The following BPI variants were observed in gnomAD, a reference collection of about 807,000 sequenced individuals.
The protein encoded by BPI is bactericidal permeability-increasing protein.
BPI carries 48 observed loss-of-function variants against 57.6 expected under a neutral mutation model. The ratio of observed to expected loss-of-function variants is 0.83; its 90% CI spans 0.66 to 1.06. The LOEUF (loss-of-function observed/expected upper bound fraction) is 1.06. BPI is among the 50% of genes least tolerant of loss of function. The pLI is 0.00. For synonymous variants in BPI, 237 were observed against 238.2 expected (o/e 0.99, Z 0.05); for missense variants, 651 against 609.7 (o/e 1.07, Z -0.71).
Position 38,327,590 on chromosome 20 carries a change from C to T in BPI, c.1164C>T (p.His388=), listed in dbSNP as rs34137603. ...ACCCTGGGTTGTTGTTTTGGCAGCA[C>T]ACAACTGGTTCCATGGAGGTCAGCG... ...SLASLFLIGM[H]TTGSMEVSAE... Residue 388 remains histidine, a splice_region_variant and synonymous_variant, in exon 11 of 15, where the codon CAC becomes CAT. Transcript: ENST00000642449. The T allele has an allele frequency of 9.9e-6, 16 of 1,612,994 alleles. No homozygotes were observed. The highest frequency in any genetic ancestry group is 1.1e-5 in the Non-Finnish European group (13 of 1,179,598).
At chr20:38,323,411 CA>C (rs2076696486) in intron 7 of BPI, among the ~76,000 whole-genome samples, 2 of 152,238 alleles carry the variant, frequency 1.3e-5, no homozygotes, top group Admixed American at 6.5e-5. Flanking sequence ...ACACGACTCT[CA>C]AAACAATTTT....
At chr20:38,330,937 G>A in intron 11 of BPI, 111 bp from the exon 12 acceptor site, 1 of 1,265,152 alleles carries the variant, frequency 7.9e-7, no homozygotes. Flanking sequence ...GTGGATACTG[G>A]GTGGGAAAAC....
rs1408461939 is a variant in BPI at position 38,337,228 on chromosome 20, A to T, written c.*44A>T. ...GGGCTGTCAGCCACACCTGTTCCTG[A>T]TGGGCTGTGGGGCACCGGCTGCCTT... On this transcript the variant is annotated 3_prime_UTR_variant, in exon 15 of 15. Coordinates refer to ENST00000642449, the MANE Select transcript of BPI (RefSeq NM_001725.3). The T allele has an allele frequency of 6.5e-7, 1 of 1,537,010 alleles. No individual in the cohort carries two copies. The highest frequency in any genetic ancestry group is 1.4e-5 in the African/African-American group (1 of 70,724).
At chr20:38,323,147 C>T (rs1008683479) in intron 7 of BPI, among the ~76,000 whole-genome samples, 2 of 152,118 alleles carry the variant, frequency 1.3e-5, no homozygotes, top group Non-Finnish European at 2.9e-5. Flanking sequence ...ACCCCAGAAC[C>T]ATGTTGATGA....
intron 7 of BPI, chr20:38,321,513 C>T (rs1172918776): frequency 1.3e-5 from 2 of 152,092 alleles, no homozygotes; most frequent in African/African-American, 4.8e-5. Flanking sequence ...GATCTCCACT[C>T]AGCTGTCACT....
Position 38,334,499 on chromosome 20 carries a change from G to T in BPI, c.1336+6G>T. ...TGTGCTGCCCAGGGTTAACGGTAAGGAACTTTGAAGAAACCATTCATTTTC... is the reference window on the plus strand; with the variant it reads ...TGTGCTGCCCAGGGTTAACGGTAAGTAACTTTGAAGAAACCATTCATTTTC... On this transcript the variant is annotated splice_donor_region_variant and intron_variant, in intron 13 of 14. Coordinates refer to ENST00000642449, the MANE Select transcript of BPI (RefSeq NM_001725.3). 1 of 1,610,946 alleles carries T rather than the reference G, an allele frequency of 6.2e-7. No homozygotes were observed.
rs1431079638 is a variant in BPI, at chr20:38,323,823, T to C, written c.757-47T>C. 5 of 1,581,664 alleles carry C rather than the reference T, an allele frequency of 3.2e-6. No homozygotes were observed. The East Asian group carries it at 6.8e-5, about 21-fold the overall frequency. The stretch of plus-strand genomic sequence containing the variant: ...TTTCCTGGATGGAGATGTTGACTTA[T>C]AATTCCTGAAGAATATCTGGGCTCA... On this transcript the variant is annotated intron_variant, in intron 7 of 14. Transcript: ENST00000642449.
chr20:38,332,186 G>A (rs1432769248), intron 12 of BPI, among the ~76,000 whole-genome samples: 1 of 152,224 alleles, frequency 6.6e-6, no homozygotes, highest in Non-Finnish European at 1.5e-5. Context: ...TGAGCTAGAG[G>A]AGGGGAGATT....
chr20:38,330,974 C>T, intron 11 of BPI, 74 bp from the exon 12 acceptor site: 1 of 1,550,460 alleles, frequency 6.4e-7, no homozygotes, highest in Non-Finnish European at 8.9e-7. Flanking sequence ...GAGTGGGTCT[C>T]TCCTCTCTAG....
At chr20:38,314,338 T>C (rs1276490389) in intron 5 of BPI, among the ~76,000 whole-genome samples, 1 of 150,118 alleles carries the variant, frequency 6.7e-6, no homozygotes, top group South Asian at 2.1e-4. Context: ...GGGATGATGA[T>C]GGTGGTGATG....
Position 38,307,565 on chromosome 20 carries a change from A to T in BPI, c.131-2A>T. The T allele has an allele frequency of 1.3e-6, 2 of 1,599,492 alleles. No homozygotes were observed. The highest frequency in any genetic ancestry group is 4.6e-5 in the East Asian group (2 of 43,668). ...ACTGTCACCCCTGCCTTCTCCCTTC[A>T]GCCAGCCAGCAGGGGACGGCCGCTC... On this transcript the variant is annotated splice_acceptor_variant, in intron 1 of 14. Coordinates refer to ENST00000642449, the MANE Select transcript of BPI (RefSeq NM_001725.3). LOFTEE classifies it high-confidence loss of function.
chr20:38,322,465 G>T (rs1487741143), intron 7 of BPI, among the ~76,000 whole-genome samples: 3 of 152,178 alleles, frequency 2.0e-5, no homozygotes, highest in Non-Finnish European at 4.4e-5. Context: ...CCAGGTCCCT[G>T]GTTCTAAGCA....
chr20:38,306,625 A>C (rs1600696775), intron 1 of BPI, among the ~76,000 whole-genome samples: 1 of 152,190 alleles, frequency 6.6e-6, no homozygotes, highest in South Asian at 2.1e-4. Context: ...GACCGGGTGA[A>C]TATGGGAGGG....
In BPI at chr20:38,323,949, G is replaced by C. The variant is rs183269384; in HGVS notation, c.836G>C (p.Arg279Pro). The C allele has an allele frequency of 6.2e-7, 1 of 1,613,986 alleles. No homozygotes were observed. The highest frequency in any genetic ancestry group is 8.5e-7 in the Non-Finnish European group (1 of 1,180,000). Residue 279 changes from arginine (R) to proline (P), a missense_variant, in exon 8 of 15, where the codon CGC (arginine) becomes CCC (proline). Coordinates refer to ENST00000642449, the MANE Select transcript of BPI (RefSeq NM_001725.3). ...ATGGAGTTTCCCGCTGCCCATGACCGCATGGTATACCTGGGCCTCTCAGAC... is the reference window on the plus strand; with the variant it reads ...ATGGAGTTTCCCGCTGCCCATGACCCCATGGTATACCTGGGCCTCTCAGAC... ...PVMEFPAAHD[R>P]MVYLGLSDYF...
intron 6 of BPI, among the ~76,000 whole-genome samples, chr20:38,319,079 A>T (rs527477142): frequency 6.8e-4 from 104 of 152,140 alleles, no homozygotes; most frequent in Non-Finnish European, 9.7e-4. Context: ...TACTAAAAAT[A>T]CAAAAATTTG....
At chr20:38,313,394 A>ATT (rs1568810601) in intron 5 of BPI, among the ~76,000 whole-genome samples, 2 of 40,796 alleles carry the variant, frequency 4.9e-5, no homozygotes, top group East Asian at 6.3e-4. Flanking sequence ...AAAAAAAAAA[A>ATT]AAAAAAAAAA....
At chr20:38,311,722 T>C (rs2076622821) in intron 4 of BPI, 152 bp from the exon 5 acceptor site, 1 of 663,924 alleles carries the variant, frequency 1.5e-6, no homozygotes, top group Non-Finnish European at 2.7e-6. Context: ...GGGAGAAGTG[T>C]CTGATGGGGT....
At chr20:38,304,492 T>G in intron 1 of BPI, 139 bp downstream of exon 1, 1 of 1,222,276 alleles carries the variant, frequency 8.2e-7, no homozygotes, top group East Asian at 2.6e-5. Flanking sequence ...ATTTTATATA[T>G]GAAGAAACTG....
intron 9 of BPI, among the ~76,000 whole-genome samples, chr20:38,325,227 A>G (rs2076706523): frequency 6.6e-6 from 1 of 152,064 alleles, no homozygotes; most frequent in Non-Finnish European, 1.5e-5. Flanking sequence ...GTGGACTGTT[A>G]CCAGTGAAAC....
Sources: gnomAD v4.1 joint callset for allele counts (sites outside exome capture counted in the v4.1 genomes callset) on GRCh38, gnomAD v4.1.1 for gene constraint, MANE v1.5 for transcripts, NCBI Gene and HGNC (gene_info 2026-07-23, HGNC 2026-07-21) for gene names.